MLIP: variants seen among roughly 807,000 people sequenced by gnomAD.
MLIP encodes muscular LMNA-interacting protein.
A neutral mutation model predicts 84.8 loss-of-function variants in MLIP; 79 were observed. The observed-to-expected ratio is 0.93, with a 90% CI of 0.78 to 1.12. The LOEUF (loss-of-function observed/expected upper bound fraction) is 1.12, where lower values mean the gene tolerates loss of function less well. MLIP is among the 50% of genes most tolerant of loss of function. The probability of loss-of-function intolerance (pLI) is 0.00; values close to 1 mark genes in which losing one functional copy is unlikely to be tolerated. For synonymous variants in MLIP, 504 were observed against 463.0 expected (o/e 1.09, Z -1.14); for missense variants, 1,257 against 1,160.6 (o/e 1.08, Z -1.21).
intron 1 of MLIP, among the ~76,000 whole-genome samples, chr6:54,092,842 C>A (rs934054716): frequency 6.6e-6 from 1 of 151,974 alleles, no homozygotes; most frequent in Admixed American, 6.6e-5. Flanking sequence ...GGTTTTATTG[C>A]AGGGAAGATG....
intron 12 of MLIP, among the ~76,000 whole-genome samples, chr6:54,236,372 G>T (rs965214433): frequency 2.0e-5 from 3 of 151,740 alleles, no homozygotes; most frequent in African/African-American, 7.3e-5. Context: ...AGGCCAAGGC[G>T]GCTGGATCAC....
chr6:54,132,750 C>T (rs993374067), intron 3 of MLIP, among the ~76,000 whole-genome samples: 2 of 152,134 alleles, frequency 1.3e-5, no homozygotes, highest in Non-Finnish European at 1.5e-5. Flanking sequence ...GTGCTTTCAC[C>T]AGTCTACAGT....
intron 11 of MLIP, chr6:54,215,046 T>C (rs1779753922): frequency 1.2e-6 from 1 of 839,400 alleles, no homozygotes; most frequent in Non-Finnish European, 1.9e-6. Flanking sequence ...GTTCTCAATA[T>C]TCTGGACCCT....
intron 12 of MLIP, among the ~76,000 whole-genome samples, chr6:54,248,796 G>A (rs1048750116): frequency 1.3e-5 from 2 of 152,070 alleles, no homozygotes; most frequent in Admixed American, 1.3e-4. Flanking sequence ...AGTATTCTTA[G>A]AATTGAGACT....
intron 10 of MLIP, among the ~76,000 whole-genome samples, chr6:54,190,433 G>T (rs954170826): frequency 2.0e-5 from 3 of 151,908 alleles, no homozygotes; most frequent in African/African-American, 7.3e-5. Flanking sequence ...AAGTAAAATG[G>T]AACAGGTAAT....
rs748618929 is a variant in MLIP at position 54,132,039 on chromosome 6, T to G, written c.646-4676T>G. 2.0e-5 allele frequency among the ~76,000 whole-genome samples: 3 copies of G among 152,176 alleles called. No homozygotes were observed. In the South Asian group the frequency reaches 6.2e-4, roughly 31 times the overall value. ...TGAGCTCATTCATATTATGGCAATG[T>G]TCTGCACGTAACAAGCCAGTAAGCC... On this transcript the variant is annotated intron_variant, in intron 3 of 13. Transcript: ENST00000502396.
At chr6:54,085,453 T>G (rs928117987) in intron 1 of MLIP, among the ~76,000 whole-genome samples, 14 of 152,186 alleles carry the variant, frequency 9.2e-5, no homozygotes, top group South Asian at 2.1e-4. Context: ...AGAAAGTACT[T>G]AATAAATGTC....
At chr6:54,161,553 T>A (rs113382894) in intron 8 of MLIP, among the ~76,000 whole-genome samples, 1 of 152,084 alleles carries the variant, frequency 6.6e-6, no homozygotes, top group African/African-American at 2.4e-5. Flanking sequence ...GCTACTGATT[T>A]TTTTGGTCAG....
At chr6:54,134,154 G>A (rs887229509) in intron 3 of MLIP, among the ~76,000 whole-genome samples, 2 of 152,080 alleles carry the variant, frequency 1.3e-5, no homozygotes, top group Non-Finnish European at 2.9e-5. Context: ...TCACTAATAA[G>A]GGATTTACAG....
intron 1 of MLIP, chr6:54,031,352 C>G (rs1764124045): frequency 6.6e-6 from 1 of 152,090 alleles, no homozygotes; most frequent in Admixed American, 6.6e-5. Context: ...TTTATGGAAG[C>G]CTTGAGTGCT....
intron 4 of MLIP, among the ~76,000 whole-genome samples, chr6:54,141,715 G>T (rs1772331071): frequency 1.3e-5 from 2 of 152,006 alleles, no homozygotes; most frequent in African/African-American, 4.8e-5. Flanking sequence ...AATCTGTTCT[G>T]CCTTCATTTA....
At position 54,055,137 on chromosome 6, in the gene MLIP, C is replaced by T. The variant is rs377359864; in HGVS notation, c.63+36046C>T. Among the ~76,000 whole-genome samples the T allele has an allele frequency of 9.2e-5, 14 of 152,256 alleles. No individual in the cohort carries two copies. In the South Asian group the frequency reaches 2.3e-3, roughly 25 times the overall value. On this transcript the variant is annotated intron_variant, in intron 1 of 12. Transcript: ENST00000274897. ...TCCTGACCTCGTGATCCGCCTGTCT[C>T]GGCCTCCCAAAGTGTTGGGACTACT...
intron 1 of MLIP, among the ~76,000 whole-genome samples, chr6:54,096,468 T>C (rs1165977457): frequency 6.6e-6 from 1 of 152,046 alleles, no homozygotes; most frequent in Admixed American, 6.6e-5. Flanking sequence ...TGTCACCTCC[T>C]TCAGGGTCAA....
upstream of MLIP, among the ~76,000 whole-genome samples, chr6:54,107,267 C>A (rs1182633891): frequency 1.3e-5 from 2 of 152,134 alleles, no homozygotes; most frequent in African/African-American, 4.8e-5. Flanking sequence ...TAACTATATA[C>A]CTATAGCAGT....
intron 11 of MLIP, among the ~76,000 whole-genome samples, chr6:54,210,746 A>AT (rs1779394657): frequency 6.7e-6 from 1 of 149,804 alleles, no homozygotes; most frequent in African/African-American, 2.5e-5. Context: ...AAAAAAAAAA[A>AT]TGTTCTAATG....
At chr6:54,177,457 G>T (rs912211247) in intron 9 of MLIP, among the ~76,000 whole-genome samples, 1 of 152,050 alleles carries the variant, frequency 6.6e-6, no homozygotes, top group African/African-American at 2.4e-5. Flanking sequence ...TAACATCACA[G>T]ATCATTAGAG....
chr6:54,135,589 T>G (rs1026975330), intron 3 of MLIP, among the ~76,000 whole-genome samples: 3 of 152,138 alleles, frequency 2.0e-5, no homozygotes, highest in Non-Finnish European at 2.9e-5. Context: ...ATTGTTATGT[T>G]TATATACATT....
chr6:54,047,858 T>C (rs1041964972), intron 1 of MLIP, among the ~76,000 whole-genome samples: 3 of 152,264 alleles, frequency 2.0e-5, no homozygotes, highest in African/African-American at 7.2e-5. Context: ...ATTGTCCCCC[T>C]TTTCAATAGT....
At chr6:54,058,989 A>G (rs996684681) in intron 1 of MLIP, 14 of 152,340 alleles carry the variant, frequency 9.2e-5, no homozygotes, top group African/African-American at 3.1e-4. Context: ...TTTTAACAAC[A>G]GTATCAACAA....
Sources: allele counts gnomAD v4.1 joint callset (sites outside exome capture counted in the v4.1 genomes callset), GRCh38; gene constraint gnomAD v4.1.1; transcripts MANE v1.5; gene names NCBI Gene and HGNC (gene_info 2026-07-23, HGNC 2026-07-21).